MIPEP: variants seen among roughly 807,000 people sequenced by gnomAD.
MIPEP encodes the protein mitochondrial intermediate peptidase.
Under a neutral mutation model 90.3 loss-of-function variants are expected in MIPEP, and 79 were observed. The observed-to-expected ratio is 0.87, with a 90% CI of 0.73 to 1.05. MIPEP has a LOEUF of 1.05. MIPEP is among the 50% of genes least tolerant of loss of function. The pLI is 0.00. For synonymous variants in MIPEP, 334 were observed against 315.8 expected, an observed-to-expected ratio of 1.06 and a Z score of -0.61; for missense variants, 940 against 905.6, an observed-to-expected ratio of 1.04 and a Z score of -0.49.
chr13:23,883,507 G>T (rs1166048346), intron 2 of MIPEP, among the ~76,000 whole-genome samples: 2 of 152,042 alleles, frequency 1.3e-5, no homozygotes, highest in African/African-American at 4.8e-5. Context: ...AAATGGTGTA[G>T]TACTTGCATA....
chr13:23,870,887 T>C lies in MIPEP; in HGVS notation c.604-692A>G, dbSNP rs182721962. Among the ~76,000 whole-genome samples, 4 of 152,322 alleles carry C rather than the reference T, an allele frequency of 2.6e-5. No homozygotes were observed. The East Asian group carries it at 5.8e-4, about 22-fold the overall frequency. On this transcript the variant is annotated intron_variant, in intron 5 of 18. Coordinates refer to ENST00000382172, the MANE Select transcript of MIPEP (RefSeq NM_005932.4). ...AGGGGGAAGCACATTTTAAAAGTTC[T>C]GATTTTGGGTGTGGTAGCACACGCC...
intron 16 of MIPEP, 140 bp from the exon 17 acceptor site, chr13:23,760,357 A>G (rs1952529041): frequency 9.3e-7 from 1 of 1,070,400 alleles, no homozygotes. Flanking sequence ...TACGTCACCT[A>G]TGATATCAAT....
At position 23,889,290 on chromosome 13, in the gene MIPEP, C is replaced by A; in HGVS notation, c.31G>T (p.Gly11Ter). The part of the protein sequence containing the change: MLCVGRLGGL[G>*]ARAAALPPRR... ...GGCGGCAGAGCTGCTGCTCTGGCTC[C>A]CAAGCCGCCCAGCCTTCCGACGCAC... Residue 11 changes from glycine to a stop codon, truncating the protein, a stop_gained, in exon 1 of 19, where the codon GGA becomes TGA. Coordinates refer to ENST00000382172, the MANE Select transcript of MIPEP (RefSeq NM_005932.4). LOFTEE classifies it high-confidence loss of function. 1 of 1,361,844 alleles carries A rather than the reference C, an allele frequency of 7.3e-7. No homozygotes were observed. The highest frequency in any genetic ancestry group is 9.5e-7 in the Non-Finnish European group (1 of 1,055,344). The allele number at this position is 1,361,844 out of a possible 1,614,324, so 84.4% of individuals were successfully genotyped here. A position where few individuals can be genotyped will look rare whatever the true frequency, so the allele number is the denominator to read the frequency against.
Position 23,824,134 on chromosome 13 carries a change from A to ATAG in MIPEP, c.1653+12103_1653+12105dup, listed in dbSNP as rs1401416359. ...CAAAAAATACAAATGTTTGGTAAAC[A>ATAG]TAGTTATCACCTGAATTCTCTGAAT... On this transcript the variant is annotated intron_variant, in intron 14 of 18. Coordinates refer to ENST00000382172, the MANE Select transcript of MIPEP (RefSeq NM_005932.4). Among the ~76,000 whole-genome samples, 5 of 152,264 alleles carry ATAG rather than the reference A, an allele frequency of 3.3e-5. No individual in the cohort carries two copies. The East Asian group carries it at 9.6e-4, about 29-fold the overall frequency.
chr13:23,748,458 T>C (rs143940216), intron 18 of MIPEP, among the ~76,000 whole-genome samples: 12 of 152,262 alleles, frequency 7.9e-5, no homozygotes, highest in Admixed American at 4.6e-4. Context: ...AATGTTAATA[T>C]GTGCTATGAA....
chr13:23,829,918 A>G lies in MIPEP; in HGVS notation c.1653+6322T>C, dbSNP rs917220789. ...GACCACAATAGCATTTCATTTTATA[A>G]TCACAAAATGGGCAAAATTAAAACT... is the stretch of plus-strand genomic sequence containing the variant. On this transcript the variant is annotated intron_variant, in intron 14 of 18. Transcript: ENST00000382172. 3.3e-5 allele frequency among the ~76,000 whole-genome samples: 5 copies of G among 152,258 alleles called. No individual in the cohort carries two copies. The East Asian group carries it at 9.6e-4, about 29-fold the overall frequency.
intron 4 of MIPEP, among the ~76,000 whole-genome samples, chr13:23,877,010 T>C (rs1871099146): frequency 6.6e-6 from 1 of 152,202 alleles, no homozygotes; most frequent in African/African-American, 2.4e-5. Flanking sequence ...GTGTCTAAAA[T>C]TTCTCTATTC....
rs1223216334 is a variant in MIPEP, at chr13:23,869,310, T to C, written c.925A>G (p.Thr309Ala). 2 of 1,601,444 alleles carry C rather than the reference T, an allele frequency of 1.2e-6. No individual in the cohort carries two copies. The highest frequency in any genetic ancestry group is 1.7e-6 in the Non-Finnish European group (2 of 1,176,432). ...STFSHRALQG[T>A]IAKNPETVMQ... ...GGCTTACCTGGATTTTTAGCTATCG[T>C]TCCTTGGAGAGCCCTGTGAGAAAAC... is the stretch of plus-strand genomic sequence containing the variant. The change falls in exon 7 of 19, where the codon ACG becomes GCG. Residue 309 changes from threonine (T) to alanine (A), a missense_variant. Physicochemically the swap from Thr to Ala is moderately conservative, Grantham distance 58 (BLOSUM62 0). Transcript: ENST00000382172.
intron 16 of MIPEP, among the ~76,000 whole-genome samples, chr13:23,785,907 A>T (rs1307636514): frequency 2.0e-5 from 3 of 152,134 alleles, no homozygotes; most frequent in Non-Finnish European, 4.4e-5. Context: ...ATCAGTGGGG[A>T]AAAGACGAAT....
At chr13:23,805,478 C>G (rs1244541917) in intron 16 of MIPEP, among the ~76,000 whole-genome samples, 3 of 152,136 alleles carry the variant, frequency 2.0e-5, no homozygotes, top group Non-Finnish European at 4.4e-5. Context: ...CGCCTAGAAT[C>G]CAATAAATGG....
intron 18 of MIPEP, among the ~76,000 whole-genome samples, chr13:23,754,935 G>A (rs1349460704): frequency 1.3e-5 from 2 of 152,224 alleles, no homozygotes; most frequent in African/African-American, 4.8e-5. Context: ...CAGCTGAAGA[G>A]CTTGGTCTGC....
At chr13:23,760,447 G>T in intron 16 of MIPEP, 1 of 709,524 alleles carries the variant, frequency 1.4e-6, no homozygotes, top group Non-Finnish European at 2.6e-6. Context: ...CCATACCTCA[G>T]AATGTGACTT....
chr13:23,797,356 C>T (rs1382356805), intron 16 of MIPEP, among the ~76,000 whole-genome samples: 4 of 152,224 alleles, frequency 2.6e-5, no homozygotes, highest in Non-Finnish European at 5.9e-5. Flanking sequence ...TTCATCTCCA[C>T]TTGGATATTC....
intron 14 of MIPEP, among the ~76,000 whole-genome samples, chr13:23,818,317 G>A (rs181491913): frequency 4.1e-4 from 63 of 152,296 alleles, no homozygotes; most frequent in African/African-American, 1.4e-3. Flanking sequence ...CTACTCAGGA[G>A]GCTGAGGCAT....
intron 16 of MIPEP, among the ~76,000 whole-genome samples, chr13:23,801,350 C>T (rs1387677150): frequency 6.6e-6 from 1 of 152,152 alleles, no homozygotes; most frequent in Non-Finnish European, 1.5e-5. Flanking sequence ...TTTCAATCTT[C>T]CACTCCCCAC....
chr13:23,765,258 C>G (rs1470168845), intron 16 of MIPEP, among the ~76,000 whole-genome samples: 1 of 152,162 alleles, frequency 6.6e-6, no homozygotes, highest in Non-Finnish European at 1.5e-5. Context: ...GTCCTCCCAA[C>G]TCAAGTGAAA....
intron 16 of MIPEP, 197 bp from the exon 17 acceptor site, chr13:23,760,414 A>C: frequency 1.3e-6 from 1 of 776,682 alleles, no homozygotes; most frequent in Non-Finnish European, 2.3e-6. Flanking sequence ...GTCTCCTGAA[A>C]ATTCACATGT....
chr13:23,861,321 T>G (rs1475398628), intron 9 of MIPEP, among the ~76,000 whole-genome samples: 1 of 152,206 alleles, frequency 6.6e-6, no homozygotes, highest in Non-Finnish European at 1.5e-5. Flanking sequence ...GTTTTTTATT[T>G]TTCTGTTTCT....
chr13:23,837,629 A>C lies in MIPEP; in HGVS notation c.1466T>G (p.Met489Arg). The C allele has an allele frequency of 6.2e-7, 1 of 1,614,146 alleles. No individual in the cohort carries two copies. The highest frequency in any genetic ancestry group is 8.5e-7 in the Non-Finnish European group (1 of 1,179,962). Residue 489 changes from methionine (M) to arginine (R), a missense_variant, in exon 13 of 19, where the codon ATG becomes AGG. By Grantham distance (91) the Met-to-Arg change is moderately conservative. Coordinates refer to ENST00000382172, the MANE Select transcript of MIPEP (RefSeq NM_005932.4). ...CATTTCATGGAAAAGATTTTCCATC[A>C]TGCTAGGAGTTAGCAAAGTTGGAGA... Reference protein sequence around the residue: ...RSSPTLLTPSMMENLFHEMGH... With the variant: ...RSSPTLLTPSRMENLFHEMGH...
Sources: allele counts gnomAD v4.1 joint callset (sites outside exome capture counted in the v4.1 genomes callset), GRCh38; gene constraint gnomAD v4.1.1; transcripts MANE v1.5; gene names NCBI Gene and HGNC (gene_info 2026-07-23, HGNC 2026-07-21).